The following TBC1D31 variants were observed in gnomAD, a reference collection of about 807,000 sequenced individuals.
TBC1D31 encodes the protein WD repeat domain 67.
Under a neutral mutation model 132.9 loss-of-function variants are expected in TBC1D31, and 99 were observed. The ratio of observed to expected loss-of-function variants is 0.74; its 90% CI spans 0.63 to 0.88. TBC1D31 has a LOEUF of 0.88. Among genes scored for constraint, TBC1D31 ranks in the 40% least tolerant of loss-of-function variants. The pLI is 0.00. For missense variants in TBC1D31, 1,134 were observed against 1,256.6 expected (o/e 0.90, Z 1.48); for synonymous variants, 385 against 419.4 (o/e 0.92, Z 1.00).
intron 16 of TBC1D31, among the ~76,000 whole-genome samples, chr8:123,133,055 G>T (rs1376255588): frequency 6.6e-6 from 1 of 152,162 alleles, no homozygotes; most frequent in Admixed American, 6.5e-5. Flanking sequence ...CTGATGTTGT[G>T]CTCTGACCCT....
At chr8:123,083,903 T>C (rs1381557065) in intron 3 of TBC1D31, 1 of 371,288 alleles carries the variant, frequency 2.7e-6, no homozygotes. Context: ...AAGCCCAAAC[T>C]CACTAGCATC....
downstream of TBC1D31, among the ~76,000 whole-genome samples, chr8:123,154,697 A>G (rs761114524): frequency 2.0e-5 from 3 of 152,202 alleles, no homozygotes; most frequent in African/African-American, 4.8e-5. Flanking sequence ...GAGACCCGGA[A>G]CATGCCAGTG....
intron 13 of TBC1D31, 40 bp downstream of exon 13, chr8:123,126,727 A>T (rs1820072610): frequency 6.6e-7 from 1 of 1,519,638 alleles, no homozygotes; most frequent in African/African-American, 1.4e-5. Flanking sequence ...CTCAAATATC[A>T]GTTATTTCTC....
intron 10 of TBC1D31, among the ~76,000 whole-genome samples, chr8:123,110,393 C>G (rs1041634070): frequency 2.0e-5 from 3 of 152,016 alleles, no homozygotes; most frequent in African/African-American, 7.3e-5. Context: ...GTGTTAGGCA[C>G]ATTTGACTTA....
At chr8:123,117,778 A>ATT (rs1819089234) in intron 10 of TBC1D31, among the ~76,000 whole-genome samples, 2 of 131,084 alleles carry the variant, frequency 1.5e-5, no homozygotes, top group African/African-American at 5.9e-5. Flanking sequence ...AAAAAAAAAA[A>ATT]AATTAATTGA....
At chr8:123,149,992 A>G in intron 20 of TBC1D31, 44 bp from the exon 21 acceptor site, 1 of 1,429,144 alleles carries the variant, frequency 7.0e-7, no homozygotes, top group Non-Finnish European at 9.9e-7. Flanking sequence ...AAGCCTTTCT[A>G]CTCACTCCCA....
At chr8:123,085,544 C>T (rs1815643801) in intron 4 of TBC1D31, among the ~76,000 whole-genome samples, 4 of 152,162 alleles carry the variant, frequency 2.6e-5, no homozygotes, top group African/African-American at 2.4e-5. Context: ...ACACCATTCT[C>T]CTGCCTCAGC....
At chr8:123,129,883 A>G (rs993482408) in intron 15 of TBC1D31, among the ~76,000 whole-genome samples, 1 of 152,264 alleles carries the variant, frequency 6.6e-6, no homozygotes, top group Non-Finnish European at 1.5e-5. Flanking sequence ...TGGGATAAAC[A>G]TTGAGACTAA....
At chr8:123,098,826 C>CAT (rs1817086016) in intron 6 of TBC1D31, among the ~76,000 whole-genome samples, 1 of 152,172 alleles carries the variant, frequency 6.6e-6, no homozygotes, top group South Asian at 2.1e-4. Flanking sequence ...AGGTTATGTG[C>CAT]ATCTGTAATT....
At chr8:123,073,834 C>G (rs906681283) in intron 1 of TBC1D31, among the ~76,000 whole-genome samples, 1 of 150,946 alleles carries the variant, frequency 6.6e-6, no homozygotes, top group African/African-American at 2.4e-5. Context: ...TACTGGCGCG[C>G]GCCACTACGC....
In TBC1D31 at chr8:123,084,166, C is replaced by T. The variant is rs376278827; in HGVS notation, c.345C>T (p.Thr115=). Residue 115 remains threonine, a synonymous_variant, in exon 4 of 22, where the codon ACC becomes ACT. Coordinates refer to ENST00000287380, the MANE Select transcript of TBC1D31 (RefSeq NM_145647.4). The stretch of plus-strand genomic sequence containing the variant: ...CAATTTTACTTTTTACCACAGTCAC[C>T]AAGGAGCTAGTTAGCTGGATGAGAG... ...DYSIKCFDTV[T]KELVSWMRGH... The T allele has an allele frequency of 6.2e-7, 1 of 1,613,684 alleles. No homozygotes were observed. Among genetic ancestry groups the T allele is most frequent in the Admixed American group, 1.7e-5 (1 of 59,980 alleles).
chr8:123,085,688 C>T (rs1172288033), intron 4 of TBC1D31, among the ~76,000 whole-genome samples: 1 of 152,178 alleles, frequency 6.6e-6, no homozygotes, highest in African/African-American at 2.4e-5. Context: ...GGATTACAGG[C>T]GTGAGCCACC....
intron 5 of TBC1D31, among the ~76,000 whole-genome samples, chr8:123,094,403 A>G (rs2130197133): frequency 6.6e-6 from 1 of 152,034 alleles, no homozygotes; most frequent in East Asian, 1.9e-4. Flanking sequence ...TCTCCAATGC[A>G]TTGTTTGAAG....
chr8:123,115,146 A>T (rs1818795226), intron 10 of TBC1D31, among the ~76,000 whole-genome samples: 1 of 152,216 alleles, frequency 6.6e-6, no homozygotes, highest in Non-Finnish European at 1.5e-5. Context: ...TTTCTCTCTC[A>T]GAAAATTCTG....
chr8:123,093,568 TA>T, intron 4 of TBC1D31, 22 bp from the exon 5 acceptor site: 1 of 1,557,786 alleles, frequency 6.4e-7, no homozygotes, highest in Non-Finnish European at 8.7e-7. Flanking sequence ...ATGTGAAAAC[TA>T]ACTTTCTCTA....
At chr8:123,147,587 G>T (rs751595879) in intron 20 of TBC1D31, among the ~76,000 whole-genome samples, 5 of 152,124 alleles carry the variant, frequency 3.3e-5, no homozygotes, top group Non-Finnish European at 7.4e-5. Context: ...CTACACCTTT[G>T]CCCCTCTGCC....
At position 123,129,073 on chromosome 8, in the gene TBC1D31, G is replaced by T. The variant is rs16898023; in HGVS notation, c.2125G>T (p.Val709Phe). The stretch of plus-strand genomic sequence containing the variant: ...TAATATTACCTACTTAAGGCAGACA[G>T]TTGAAGATATGCAAGCTAAAGTCGA... ...ELDYLRERQT[V>F]EDMQAKVDQQ... Residue 709 changes from valine (V) to phenylalanine (F), a missense_variant, in exon 15 of 22, where the codon GTT becomes TTT. Physicochemically the swap from Val to Phe is conservative, Grantham distance 50. Coordinates refer to ENST00000287380, the MANE Select transcript of TBC1D31 (RefSeq NM_145647.4). 1.5e-3 allele frequency: 2,344 copies of T among 1,588,030 alleles called. 29 individuals are homozygous for T. In the African/African-American group the frequency reaches 0.029, roughly 20 times the overall value.
At chr8:123,145,708 G>GA (rs768027251) in intron 20 of TBC1D31, among the ~76,000 whole-genome samples, 2 of 144,482 alleles carry the variant, frequency 1.4e-5, no homozygotes, top group African/African-American at 5.1e-5. Context: ...AAAAAAAAAA[G>GA]ATTTCCAAAA....
At chr8:123,152,942 T>C (rs1435155453), downstream of TBC1D31, among the ~76,000 whole-genome samples, 1 of 152,180 alleles carries the variant, frequency 6.6e-6, no homozygotes, top group East Asian at 1.9e-4. Context: ...ATATAATATG[T>C]AGTACTAATT....
Sources: allele counts gnomAD v4.1 joint callset (sites outside exome capture counted in the v4.1 genomes callset), GRCh38; gene constraint gnomAD v4.1.1; transcripts MANE v1.5; gene names NCBI Gene and HGNC (gene_info 2026-07-23, HGNC 2026-07-21).